Variants in STAG2 observed in about 807,000 individuals in gnomAD.
The protein encoded by STAG2 is STAG2 cohesin complex component, also known as cohesin subunit SA-2.
In STAG2, 14 loss-of-function variants were observed where a neutral mutation model predicts 108.1. The observed-to-expected ratio is 0.13, with a 90% confidence interval of 0.09 to 0.20. STAG2 has a LOEUF of 0.20. Among genes scored for constraint, STAG2 ranks in the 10% least tolerant of loss-of-function variants. The pLI is 1.00. For synonymous variants in STAG2, 307 were observed against 302.7 expected, an observed-to-expected ratio of 1.01 and a Z score of -0.15; for missense variants, 440 against 940.9, an observed-to-expected ratio of 0.47 and a Z score of 6.96.
chrX:123,973,320 A>G (rs2054455285), intron 1 of STAG2, among the ~76,000 whole-genome samples: 1 of 109,533 alleles, frequency 9.1e-6, no homozygotes, highest in African/African-American at 3.3e-5. Flanking sequence ...AGGCAGGCAG[A>G]TCATGAGGTC....
At chrX:123,990,345 G>A (rs758033594) in intron 1 of STAG2, among the ~76,000 whole-genome samples, 36 of 111,965 alleles carry the variant, frequency 3.2e-4, no homozygotes, top group African/African-American at 1.2e-3. Flanking sequence ...ACTATACAAA[G>A]TGATACTCTT....
In STAG2 at chrX:124,039,640, CTTTTT is replaced by C. The variant is rs11352016; in HGVS notation, c.385+2028_385+2032del. ...GTTTTTGGCATGAGTTTCTTTCTTT[CTTTTT>C]TTTTTTTTTTAATTTAATTTTTTTT... On this transcript the variant is annotated intron_variant, in intron 6 of 34. Coordinates refer to ENST00000371145, the MANE Select transcript of STAG2 (RefSeq NM_001042750.2). Among the ~76,000 whole-genome samples, 866 of 90,610 alleles carry C rather than the reference CTTTTT, an allele frequency of 9.6e-3. 3 individuals are homozygous for C. The highest frequency in any genetic ancestry group is 0.015 in the Non-Finnish European group (670 of 46,112). The allele number at this position is 90,610 out of a possible 115,157, so 78.7% of individuals were successfully genotyped here.
chrX:123,979,228 T>C (rs926347507), intron 1 of STAG2, among the ~76,000 whole-genome samples: 2 of 111,376 alleles, frequency 1.8e-5, no homozygotes, highest in African/African-American at 6.5e-5. Flanking sequence ...TCCTTGGCCA[T>C]CTCATTAAAA....
intron 1 of STAG2, among the ~76,000 whole-genome samples, chrX:123,986,451 A>G (rs918791186): frequency 5.4e-5 from 6 of 111,012 alleles, no homozygotes; most frequent in African/African-American, 2.0e-4. Context: ...TTGTTCTTGT[A>G]ATGGTGAATA....
chrX:124,098,724 A>T (rs924431090), intron 34 of STAG2, among the ~76,000 whole-genome samples: 3 of 112,358 alleles, frequency 2.7e-5, no homozygotes, highest in East Asian at 2.8e-4. Context: ...ATCATAAAAA[A>T]TATCTTTTTA....
intron 1 of STAG2, among the ~76,000 whole-genome samples, chrX:123,988,484 T>C (rs772079467): frequency 1.3e-4 from 15 of 111,216 alleles, no homozygotes; most frequent in African/African-American, 4.9e-4. Flanking sequence ...TATGTTCCAT[T>C]GCAGTATTAT....
chrX:124,075,263 A>G (rs186470869), intron 25 of STAG2, among the ~76,000 whole-genome samples: 20 of 112,089 alleles, frequency 1.8e-4, no homozygotes, highest in Non-Finnish European at 3.2e-4. Flanking sequence ...ATTTCATTTA[A>G]CAAGGGATAG....
chrX:123,963,897 T>A (rs2053980076), intron 1 of STAG2, among the ~76,000 whole-genome samples: 1 of 111,912 alleles, frequency 8.9e-6, no homozygotes, highest in Non-Finnish European at 1.9e-5. Context: ...ATACTTTTGC[T>A]ATCTTTGGGT....
At position 124,061,241 on chromosome X, in the gene STAG2, A is replaced by G. The variant is rs756098691; in HGVS notation, c.1434A>G (p.Ala478=). 14 of 1,202,018 alleles carry G rather than the reference A, an allele frequency of 1.2e-5. No individual in the cohort carries two copies. The African/African-American group carries it at 2.3e-4, about 20-fold the overall frequency. The change falls in exon 16 of 35, where the codon GCA becomes GCG. Residue 478 remains alanine, a synonymous_variant. Transcript: ENST00000371145. ...AATTTTAGTTACATGAGCATGCAGCATACCTTGTGGATAGCATGTGGGACT... is the reference window on the plus strand; with the variant it reads ...AATTTTAGTTACATGAGCATGCAGCGTACCTTGTGGATAGCATGTGGGACT... ...FLESELHEHA[A]YLVDSMWDCA...
chrX:124,035,256 C>A (rs1234976954), intron 5 of STAG2, among the ~76,000 whole-genome samples: 2 of 111,653 alleles, frequency 1.8e-5, no homozygotes, highest in Non-Finnish European at 3.8e-5. Flanking sequence ...AATTTTGTTA[C>A]ATAAGTTCTC....
At position 124,101,197 on chromosome X, in the gene STAG2, A is replaced by G. The variant is rs1295459168; in HGVS notation, c.*600A>G. The G allele has an allele frequency of 6.7e-6, 1 of 148,636 alleles. No individual in the cohort carries two copies. The highest frequency in any genetic ancestry group is 1.1e-4 in the East Asian group (1 of 9,484). The allele number at this position is 148,636 out of a possible 1,213,427, so 12.2% of individuals were successfully genotyped here. A position where few individuals can be genotyped will look rare whatever the true frequency, so the allele number is the denominator to read the frequency against. ...TTTTTTCATCTAAAAGTATTTTAAG[A>G]TATTTTTAAAATCCAAGAGCTTCTC... On this transcript the variant is annotated 3_prime_UTR_variant, in exon 35 of 35. Coordinates refer to ENST00000371145, the MANE Select transcript of STAG2 (RefSeq NM_001042750.2).
chrX:124,001,383 C>T (rs775174437), intron 1 of STAG2, among the ~76,000 whole-genome samples: 75 of 111,567 alleles, frequency 6.7e-4, no homozygotes, highest in African/African-American at 2.3e-3. Context: ...AGCCACTGCA[C>T]CCGGCCAAAA....
chrX:124,070,110 C>A (rs1657224675), intron 24 of STAG2, among the ~76,000 whole-genome samples: 1 of 111,470 alleles, frequency 9.0e-6, no homozygotes, highest in Admixed American at 9.5e-5. Context: ...CCCAGTCTTC[C>A]CAACAGCTTC....
Position 124,007,075 on chromosome X carries a change from A to C in STAG2, c.-162-14292A>C, listed in dbSNP as rs759550742. Among the ~76,000 whole-genome samples, 11 of 109,493 alleles carry C rather than the reference A, an allele frequency of 1.0e-4. 1 individual carries two copies. The South Asian group carries it at 4.4e-3, about 44-fold the overall frequency. The stretch of plus-strand genomic sequence containing the variant: ...CAGTGCAGTGACCTAATCACAGCTC[A>C]CTGCAGCCTCGTACTCCTGGGCTCA... On this transcript the variant is annotated intron_variant, in intron 1 of 34. Coordinates refer to ENST00000371145, the MANE Select transcript of STAG2 (RefSeq NM_001042750.2).
At chrX:124,076,774 A>G (rs2058812661) in intron 26 of STAG2, among the ~76,000 whole-genome samples, 1 of 109,564 alleles carries the variant, frequency 9.1e-6, no homozygotes, top group Non-Finnish European at 1.9e-5. Context: ...TGCTTGATGT[A>G]GCATTAAAAA....
At chrX:124,025,256 A>T (rs1029869109) in intron 3 of STAG2, among the ~76,000 whole-genome samples, 1 of 111,964 alleles carries the variant, frequency 8.9e-6, no homozygotes, top group Non-Finnish European at 1.9e-5. Flanking sequence ...TCACCTCTTT[A>T]CTTCATAAAG....
At chrX:124,046,410 A>C (rs75818768) in intron 8 of STAG2, among the ~76,000 whole-genome samples, 1,835 of 112,060 alleles carry the variant, frequency 0.016, 24 homozygotes, top group Middle Eastern at 0.11. Context: ...GCTAAAGTAA[A>C]TTAAAACAGG....
intron 1 of STAG2, among the ~76,000 whole-genome samples, chrX:124,019,108 T>C (rs1385578673): frequency 3.0e-5 from 3 of 101,291 alleles, no homozygotes. Context: ...TCACCCAGGC[T>C]GGAGTGCAGT....
At chrX:124,007,374 G>C in intron 1 of STAG2, among the ~76,000 whole-genome samples, 2 of 111,123 alleles carry the variant, frequency 1.8e-5, no homozygotes, top group Non-Finnish European at 3.8e-5. Context: ...GCAAAGTGTT[G>C]TGTTCTGACC....
Sources: gnomAD v4.1 joint callset for allele counts (sites outside exome capture counted in the v4.1 genomes callset) on GRCh38, gnomAD v4.1.1 for gene constraint, MANE v1.5 for transcripts, NCBI Gene and HGNC (gene_info 2026-07-23, HGNC 2026-07-21) for gene names.